GRM1: variants seen among roughly 807,000 people sequenced by gnomAD.
The protein encoded by GRM1 is glutamate metabotropic receptor 1.
Under a neutral mutation model 90.9 loss-of-function variants are expected in GRM1, and 33 were observed. The ratio of observed to expected loss-of-function variants is 0.36; its 90% confidence interval spans 0.28 to 0.49. The LOEUF is 0.49. GRM1 is among the 20% of genes least tolerant of loss of function. The pLI is 0.99. For missense variants in GRM1, 1,190 were observed against 1,534.3 expected (o/e 0.78, Z 3.75); for synonymous variants, 700 against 613.2 (o/e 1.14, Z -2.09).
At chr6:146,182,121 C>T (rs1482647058) in intron 2 of GRM1, among the ~76,000 whole-genome samples, 13 of 152,022 alleles carry the variant, frequency 8.6e-5, no homozygotes, top group Non-Finnish European at 1.5e-4. Context: ...AAATTATTGG[C>T]CTATTTTGTT....
At chr6:146,354,986 T>C (rs572299782) in intron 4 of GRM1, among the ~76,000 whole-genome samples, 1 of 152,218 alleles carries the variant, frequency 6.6e-6, no homozygotes, top group East Asian at 1.9e-4. Context: ...TGTTTCTAAA[T>C]GCTAATGAAG....
chr6:146,225,090 G>A (rs1780194097), intron 2 of GRM1, among the ~76,000 whole-genome samples: 1 of 152,084 alleles, frequency 6.6e-6, no homozygotes, highest in Non-Finnish European at 1.5e-5. Flanking sequence ...GGTAGCACTT[G>A]TGGGAAGACT....
At chr6:146,231,916 A>G (rs1461211170) in intron 2 of GRM1, among the ~76,000 whole-genome samples, 2 of 152,064 alleles carry the variant, frequency 1.3e-5, no homozygotes, top group African/African-American at 2.4e-5. Context: ...GTAAGCGTAC[A>G]TCTTAGCCTC....
At chr6:146,057,428 A>G (rs1237262449) in intron 1 of GRM1, among the ~76,000 whole-genome samples, 2 of 152,134 alleles carry the variant, frequency 1.3e-5, no homozygotes, top group Admixed American at 6.6e-5. Context: ...TGAAAACGGC[A>G]CACCTTTTTG....
intron 2 of GRM1, among the ~76,000 whole-genome samples, chr6:146,193,092 C>G (rs1300261954): frequency 6.6e-6 from 1 of 151,970 alleles, no homozygotes; most frequent in Non-Finnish European, 1.5e-5. Flanking sequence ...GATGAGGATG[C>G]CCCTAAGTGG....
intron 1 of GRM1, among the ~76,000 whole-genome samples, chr6:146,128,182 C>T (rs1776265505): frequency 6.6e-6 from 1 of 152,144 alleles, no homozygotes; most frequent in East Asian, 1.9e-4. Context: ...GTCACAGACC[C>T]ACTATCATTT....
intron 3 of GRM1, among the ~76,000 whole-genome samples, chr6:146,319,894 A>G (rs1165103652): frequency 6.6e-6 from 1 of 152,220 alleles, no homozygotes; most frequent in Non-Finnish European, 1.5e-5. Context: ...TAAATATACA[A>G]TCATGTCATC....
At chr6:146,281,689 A>G (rs1197446004) in intron 2 of GRM1, among the ~76,000 whole-genome samples, 1 of 152,226 alleles carries the variant, frequency 6.6e-6, no homozygotes, top group African/African-American at 2.4e-5. Context: ...GAAAAGGAGA[A>G]TGACAGTTGA....
chr6:146,177,561 A>G (rs1778379425), intron 2 of GRM1, among the ~76,000 whole-genome samples: 1 of 152,130 alleles, frequency 6.6e-6, no homozygotes, highest in Admixed American at 6.5e-5. Context: ...TCACGTTTGC[A>G]ACTTTTTGAA....
chr6:146,240,737 C>A (rs561722804), intron 2 of GRM1, among the ~76,000 whole-genome samples: 1 of 152,184 alleles, frequency 6.6e-6, no homozygotes, highest in South Asian at 2.1e-4. Flanking sequence ...CTACTTTATG[C>A]TGGGTACTTT....
chr6:146,381,049 A>T (rs1012447125), intron 5 of GRM1, among the ~76,000 whole-genome samples: 12 of 152,106 alleles, frequency 7.9e-5, no homozygotes, highest in Admixed American at 2.0e-4. Flanking sequence ...TGGAAAGAAG[A>T]GGTCTCTTTT....
chr6:146,116,183 C>G (rs1775738862), intron 1 of GRM1, among the ~76,000 whole-genome samples: 1 of 152,148 alleles, frequency 6.6e-6, no homozygotes, highest in Non-Finnish European at 1.5e-5. Context: ...TCTTGAACTC[C>G]TGGCCTCAAG....
chr6:146,253,517 G>A (rs1781374848), intron 2 of GRM1, among the ~76,000 whole-genome samples: 1 of 152,040 alleles, frequency 6.6e-6, no homozygotes, highest in Admixed American at 6.6e-5. Flanking sequence ...CTCCTAAGCC[G>A]TTCACATTCA....
intron 2 of GRM1, among the ~76,000 whole-genome samples, chr6:146,263,517 C>G (rs1781771238): frequency 1.3e-5 from 2 of 151,720 alleles, no homozygotes; most frequent in Admixed American, 1.3e-4. Flanking sequence ...TATAAAATAG[C>G]AGGGAAGTAT....
chr6:146,196,369 G>A (rs1184909149), intron 2 of GRM1, among the ~76,000 whole-genome samples: 3 of 148,404 alleles, frequency 2.0e-5, no homozygotes, highest in Non-Finnish European at 4.4e-5. Context: ...CTCACTGCAA[G>A]CCCCACCTCC....
chr6:146,370,357 C>T (rs557074892), intron 5 of GRM1, among the ~76,000 whole-genome samples: 1 of 151,986 alleles, frequency 6.6e-6, no homozygotes, highest in Non-Finnish European at 1.5e-5. Context: ...ACATTATCTG[C>T]TTTGTTCACT....
intron 2 of GRM1, among the ~76,000 whole-genome samples, chr6:146,190,400 G>A (rs2114579116): frequency 6.6e-6 from 1 of 152,226 alleles, no homozygotes; most frequent in African/African-American, 2.4e-5. Flanking sequence ...AAACAATTAT[G>A]TAATAACCAA....
At chr6:146,187,137 A>C (rs1778763606) in intron 2 of GRM1, among the ~76,000 whole-genome samples, 1 of 152,186 alleles carries the variant, frequency 6.6e-6, no homozygotes, top group South Asian at 2.1e-4. Context: ...AGATTGGTTG[A>C]TTGTGTTTAA....
intron 6 of GRM1, among the ~76,000 whole-genome samples, chr6:146,388,554 A>G (rs1308059638): frequency 6.6e-6 from 1 of 152,114 alleles, no homozygotes; most frequent in Non-Finnish European, 1.5e-5. Flanking sequence ...AGCAGCAGAA[A>G]GCTTTTGTAA....
Sources: allele counts gnomAD v4.1 joint callset (sites outside exome capture counted in the v4.1 genomes callset), GRCh38; gene constraint gnomAD v4.1.1; transcripts MANE v1.5; gene names NCBI Gene and HGNC (gene_info 2026-07-23, HGNC 2026-07-21).